Variants in PTPRQ observed in about 807,000 individuals in gnomAD.
PTPRQ encodes the protein phosphatidylinositol phosphatase PTPRQ.
PTPRQ carries 199 observed loss-of-function variants against 246.0 expected under a neutral mutation model. The ratio of observed to expected loss-of-function variants is 0.81; its 90% CI spans 0.72 to 0.91. The LOEUF is 0.91. Among genes scored for constraint, PTPRQ ranks in the 40% least tolerant of loss-of-function variants. The pLI is 0.00. For missense variants in PTPRQ, 2,624 were observed against 2,528.4 expected (o/e 1.04, Z -0.81); for synonymous variants, 869 against 853.2 (o/e 1.02, Z -0.32).
intron 8 of PTPRQ, among the ~76,000 whole-genome samples, chr12:80,473,760 G>A (rs1330381429): frequency 6.6e-6 from 1 of 152,186 alleles, no homozygotes; most frequent in African/African-American, 2.4e-5. Context: ...CACAAAAGAA[G>A]TAGAATCTTC....
chr12:80,527,812 A>G (rs970612562), intron 17 of PTPRQ, among the ~76,000 whole-genome samples: 58 of 151,578 alleles, frequency 3.8e-4, no homozygotes, highest in Non-Finnish European at 5.9e-5. Flanking sequence ...ATAACTACAG[A>G]TATCTAAAAA....
At chr12:80,581,716 T>A (rs543918024) in intron 25 of PTPRQ, among the ~76,000 whole-genome samples, 1 of 151,942 alleles carries the variant, frequency 6.6e-6, no homozygotes, top group Admixed American at 6.6e-5. Flanking sequence ...TTGGAAAATA[T>A]ATCTTCATCA....
At chr12:80,459,505 C>A (rs1592528742) in intron 5 of PTPRQ, 22 bp downstream of exon 5, 1 of 394,830 alleles carries the variant, frequency 2.5e-6, no homozygotes, top group East Asian at 3.6e-5. Context: ...AGAACACTTT[C>A]TATGTCTTGA....
At chr12:80,673,425 A>C (rs1901037039) in intron 43 of PTPRQ, 121 bp downstream of exon 43, 1 of 1,412,926 alleles carries the variant, frequency 7.1e-7, no homozygotes, top group African/African-American at 1.5e-5. Flanking sequence ...TTCCTACATT[A>C]TAAGCCTTTT....
intron 43 of PTPRQ, among the ~76,000 whole-genome samples, chr12:80,673,552 A>C (rs1284594900): frequency 1.3e-5 from 2 of 152,188 alleles, no homozygotes; most frequent in African/African-American, 4.8e-5. Flanking sequence ...ACTGATAGGC[A>C]TGTAGGCAGT....
rs1346856170 is a variant in PTPRQ, at chr12:80,588,144, C to T, written c.4301C>T (p.Thr1434Ile). The change falls in exon 26 of 45, where the codon ACA becomes ATA. Residue 1434 changes from threonine to isoleucine, a missense_variant. By Grantham distance (89) the Thr-to-Ile change is moderately conservative. Coordinates refer to ENST00000644991, the MANE Select transcript of PTPRQ (RefSeq NM_001145026.2). The stretch of plus-strand genomic sequence containing the variant: ...TAATTTTTAGTTCCCAGTGTTCCCA[C>T]AAATATTGCTTTTTCTGATGTTCAG... Reference protein sequence around the residue: ...TLPETVPSVPTNIAFSDVQST... With the variant: ...TLPETVPSVPINIAFSDVQST... 6.5e-7 allele frequency: 1 copy of T among 1,528,778 alleles called. No homozygotes were observed. The highest frequency in any genetic ancestry group is 8.8e-7 in the Non-Finnish European group (1 of 1,135,256). The allele number at this position is 1,528,778 out of a possible 1,614,324, so 94.7% of individuals were successfully genotyped here.
intron 14 of PTPRQ, among the ~76,000 whole-genome samples, chr12:80,505,005 A>T (rs1269249396): frequency 6.6e-6 from 1 of 151,828 alleles, no homozygotes; most frequent in Non-Finnish European, 1.5e-5. Context: ...GAAGAATCTG[A>T]AGTATCCCCT....
chr12:80,474,874 A>G (rs1427915754), intron 8 of PTPRQ, among the ~76,000 whole-genome samples: 1 of 152,178 alleles, frequency 6.6e-6, no homozygotes, highest in Non-Finnish European at 1.5e-5. Context: ...TCTTAAACAG[A>G]CTATGGCAGT....
chr12:80,608,811 A>G (rs1023006931), intron 27 of PTPRQ, among the ~76,000 whole-genome samples: 2 of 150,542 alleles, frequency 1.3e-5, no homozygotes, highest in Non-Finnish European at 3.0e-5. Context: ...GCTCCAATGA[A>G]TGGGACCCAG....
intron 25 of PTPRQ, among the ~76,000 whole-genome samples, chr12:80,566,398 A>T (rs975276494): frequency 2.0e-5 from 3 of 152,024 alleles, no homozygotes; most frequent in African/African-American, 7.2e-5. Flanking sequence ...GAATTGCTTG[A>T]ACCCAGGAGG....
At chr12:80,616,876 C>T (rs957447210) in intron 30 of PTPRQ, among the ~76,000 whole-genome samples, 6 of 150,990 alleles carry the variant, frequency 4.0e-5, no homozygotes, top group South Asian at 2.1e-4. Context: ...TAGGGCCATT[C>T]GAATGATCAC....
chr12:80,449,219 G>C (rs1462354669), intron 3 of PTPRQ, among the ~76,000 whole-genome samples: 4 of 151,264 alleles, frequency 2.6e-5, no homozygotes, highest in Non-Finnish European at 5.9e-5. Flanking sequence ...TTTTGATGGG[G>C]TTGTTTGTTT....
At chr12:80,458,548 T>TA (rs1555182830) in intron 4 of PTPRQ, among the ~76,000 whole-genome samples, 2 of 152,002 alleles carry the variant, frequency 1.3e-5, no homozygotes, top group South Asian at 2.1e-4. Context: ...ATTTTTTTTT[T>TA]ATCTCAGACG....
chr12:80,558,836 C>T (rs1896742024), intron 25 of PTPRQ, among the ~76,000 whole-genome samples: 1 of 152,080 alleles, frequency 6.6e-6, no homozygotes, highest in Non-Finnish European at 1.5e-5. Context: ...CGTTCAATAG[C>T]TAATTGAATA....
chr12:80,594,784 CT>C (rs1355674124), intron 26 of PTPRQ, among the ~76,000 whole-genome samples: 2 of 152,038 alleles, frequency 1.3e-5, no homozygotes, highest in African/African-American at 4.8e-5. Context: ...GTTTATTTTT[CT>C]TTTCAAGTGT....
chr12:80,535,876 G>A (rs1048150716), intron 19 of PTPRQ, among the ~76,000 whole-genome samples: 4 of 152,182 alleles, frequency 2.6e-5, no homozygotes, highest in Non-Finnish European at 4.4e-5. Flanking sequence ...GGGAGGCCGA[G>A]GCGGGCGGAT....
At position 80,550,982 on chromosome 12, in the gene PTPRQ, T is replaced by C. The variant is rs369155602; in HGVS notation, c.4285+1248T>C. ...TGTCTTTATTTATGCCCTCCAGATA[T>C]CTTCTCTTAGGAAGTCCTTGCCTTC... is the stretch of plus-strand genomic sequence containing the variant. On this transcript the variant is annotated intron_variant, in intron 25 of 44. Transcript: ENST00000644991. Among the ~76,000 whole-genome samples, 13 of 152,252 alleles carry C rather than the reference T, an allele frequency of 8.5e-5. No homozygotes were observed. The East Asian group carries it at 1.5e-3, about 18-fold the overall frequency.
At chr12:80,613,985 A>T in intron 29 of PTPRQ, 149 bp downstream of exon 29, 1 of 1,014,826 alleles carries the variant, frequency 9.9e-7, no homozygotes, top group Non-Finnish European at 1.3e-6. Flanking sequence ...AAATTTTGAG[A>T]ACTGAAATTA....
chr12:80,565,209 A>G (rs547133377), intron 25 of PTPRQ, among the ~76,000 whole-genome samples: 1 of 152,196 alleles, frequency 6.6e-6, no homozygotes, highest in Non-Finnish European at 1.5e-5. Flanking sequence ...TATAAATTTA[A>G]AAGTTCTTTA....
Sources: allele counts gnomAD v4.1 joint callset (sites outside exome capture counted in the v4.1 genomes callset), GRCh38; gene constraint gnomAD v4.1.1; transcripts MANE v1.5; gene names NCBI Gene and HGNC (gene_info 2026-07-23, HGNC 2026-07-21).